CAMK4: variants seen among roughly 807,000 people sequenced by gnomAD.
CAMK4 encodes the protein calcium/calmodulin-dependent protein kinase type IV.
CAMK4 carries 22 observed loss-of-function variants against 44.9 expected under a neutral mutation model. That is an observed-to-expected ratio of 0.49 (90% confidence interval 0.35 to 0.70). The LOEUF is 0.70. Ranked by LOEUF, CAMK4 falls within the 30% of genes least tolerant of loss-of-function variation. The pLI is 0.01. For synonymous variants in CAMK4, 218 were observed against 215.4 expected (o/e 1.01, Z -0.11); for missense variants, 498 against 586.8 (o/e 0.85, Z 1.56).
At chr5:111,301,504 T>G (rs1483208812) in intron 1 of CAMK4, among the ~76,000 whole-genome samples, 1 of 152,242 alleles carries the variant, frequency 6.6e-6, no homozygotes, top group Non-Finnish European at 1.5e-5. Flanking sequence ...AGAATGTCTC[T>G]AATGAATCCT....
intron 1 of CAMK4, among the ~76,000 whole-genome samples, chr5:111,296,705 CAAA>C (rs987657602): frequency 6.6e-6 from 1 of 152,086 alleles, no homozygotes; most frequent in African/African-American, 2.4e-5. Flanking sequence ...GGAGTTTAAA[CAAA>C]AACAGAACAC....
In CAMK4 at chr5:111,397,679, GTGTGTGTGTGTGTT is replaced by G. The variant is rs1369564896; in HGVS notation, c.459+2900_459+2913del. On this transcript the variant is annotated intron_variant, in intron 5 of 10. Coordinates refer to ENST00000282356, the MANE Select transcript of CAMK4 (RefSeq NM_001744.6). The stretch of plus-strand genomic sequence containing the variant: ...TGTGTGTGTGTGTGTGTGTGTGTGT[GTGTGTGTGTGTGTT>G]TGCAGTTTACCCACCTGGATTCATG... Among the ~76,000 whole-genome samples, 1,325 of 134,952 alleles carry G rather than the reference GTGTGTGTGTGTGTT, an allele frequency of 9.8e-3. 22 individuals carry two copies. Among genetic ancestry groups the G allele is most frequent in the African/African-American group, 0.036 (1,239 of 34,122 alleles). The allele number at this position is 134,952 out of a possible 152,430, so 88.5% of individuals were successfully genotyped here. A position where few individuals can be genotyped will look rare whatever the true frequency, so the allele number is the denominator to read the frequency against.
chr5:111,484,407 G>A lies in CAMK4; in HGVS notation c.1363G>A (p.Gly455Arg), dbSNP rs1427787062. Residue 455 changes from glycine to arginine, a missense_variant, in exon 11 of 11, where the codon GGA (glycine) becomes AGA (arginine). Physicochemically the swap from Gly to Arg is moderately radical, Grantham distance 125. Coordinates refer to ENST00000282356, the MANE Select transcript of CAMK4 (RefSeq NM_001744.6). The surrounding 1 kb of genome is among the most constrained non-coding windows in gnomAD (Gnocchi z 5.3). ...EEAAAPREGQ[G>R]SSAVGFEVPQ... ...GGCAGCAGCTCCCAGAGAAGGGCAA[G>A]GAAGCTCTGCTGTGGGTTTTGAAGT... 4 of 1,567,482 alleles carry A rather than the reference G, an allele frequency of 2.6e-6. No homozygotes were observed. Among genetic ancestry groups the A allele is most frequent in the Non-Finnish European group, 2.6e-6 (3 of 1,158,304 alleles).
intron 1 of CAMK4, among the ~76,000 whole-genome samples, chr5:111,250,572 AC>A (rs779901534): frequency 2.0e-5 from 3 of 152,092 alleles, no homozygotes; most frequent in Non-Finnish European, 1.5e-5. Context: ...TTCCCAGTAT[AC>A]TGTTTCTCCT....
chr5:111,267,838 A>G (rs574196481), intron 1 of CAMK4, among the ~76,000 whole-genome samples: 1 of 140,164 alleles, frequency 7.1e-6, no homozygotes, highest in Non-Finnish European at 1.5e-5. Flanking sequence ...CTTTTGATTC[A>G]GTAAATATTA....
chr5:111,287,837 T>C (rs1335841709), intron 1 of CAMK4, among the ~76,000 whole-genome samples: 1 of 152,146 alleles, frequency 6.6e-6, no homozygotes, highest in African/African-American at 2.4e-5. Flanking sequence ...GTATAAAATA[T>C]AGATATGCTC....
intron 3 of CAMK4, among the ~76,000 whole-genome samples, chr5:111,376,029 T>C (rs1043069104): frequency 6.6e-6 from 1 of 152,086 alleles, no homozygotes; most frequent in Non-Finnish European, 1.5e-5. Flanking sequence ...GTGAAATTAG[T>C]GGCTAAGACC....
At position 111,358,188 on chromosome 5, in the gene CAMK4, G is replaced by C. The variant is rs188374218; in HGVS notation, c.240+14086G>C. The C allele has an allele frequency of 3.3e-5, 5 of 152,208 alleles. No individual in the cohort carries two copies. In the East Asian group the frequency reaches 9.7e-4, roughly 29 times the overall value. 9.4% of individuals were successfully genotyped at this position (152,208 alleles called of 1,614,324 possible). ...TGTGTGCAGAGAATGCAAGCAACAT[G>C]TTATCTTTGCCAAATTCTGTTAAAA... On this transcript the variant is annotated intron_variant, in intron 2 of 10. Coordinates refer to ENST00000282356, the MANE Select transcript of CAMK4 (RefSeq NM_001744.6).
chr5:111,276,718 G>A (rs1750774404), intron 1 of CAMK4, among the ~76,000 whole-genome samples: 1 of 151,876 alleles, frequency 6.6e-6, no homozygotes, highest in Admixed American at 6.6e-5. Flanking sequence ...GTGGGATAGG[G>A]GTGCTTCTAT....
At chr5:111,252,150 C>G (rs1162744378) in intron 1 of CAMK4, among the ~76,000 whole-genome samples, 1 of 152,108 alleles carries the variant, frequency 6.6e-6, no homozygotes, top group Non-Finnish European at 1.5e-5. Context: ...GGGAATTACC[C>G]CTAAGTCTGT....
In CAMK4 at chr5:111,331,975, C is replaced by T. The variant is rs1001248662; in HGVS notation, c.162-12049C>T. Among the ~76,000 whole-genome samples, 3 of 151,624 alleles carry T rather than the reference C, an allele frequency of 2.0e-5. No homozygotes were observed. The East Asian group carries it at 5.8e-4, about 30-fold the overall frequency. On this transcript the variant is annotated intron_variant, in intron 1 of 10. Transcript: ENST00000282356. The stretch of plus-strand genomic sequence containing the variant: ...CCTAGCACAGTGCCTAATAAATTTT[C>T]ACTTGATGAAATCTAACTCCGTTTT...
intron 1 of CAMK4, among the ~76,000 whole-genome samples, chr5:111,250,707 A>G (rs1749447594): frequency 6.6e-6 from 1 of 151,892 alleles, no homozygotes; most frequent in African/African-American, 2.4e-5. Context: ...TCAGTTTTCC[A>G]TTCTCCATCA....
chr5:111,262,218 A>G (rs1750015047), intron 1 of CAMK4, among the ~76,000 whole-genome samples: 2 of 151,634 alleles, frequency 1.3e-5, no homozygotes. Flanking sequence ...AAATTGCAAT[A>G]GAGGAGAAGG....
At chr5:111,258,423 T>G (rs974481699) in intron 1 of CAMK4, among the ~76,000 whole-genome samples, 1 of 152,162 alleles carries the variant, frequency 6.6e-6, no homozygotes, top group African/African-American at 2.4e-5. Context: ...GAAGTTTAAT[T>G]GGATTTACAG....
intron 7 of CAMK4, among the ~76,000 whole-genome samples, chr5:111,455,875 C>T (rs991566359): frequency 1.3e-5 from 2 of 152,134 alleles, no homozygotes; most frequent in African/African-American, 4.8e-5. Context: ...TCAGTCTCCT[C>T]AACTATACAA....
chr5:111,313,240 C>T (rs1244725443), intron 1 of CAMK4, among the ~76,000 whole-genome samples: 1 of 152,058 alleles, frequency 6.6e-6, no homozygotes, highest in Non-Finnish European at 1.5e-5. Flanking sequence ...CTCTGTCTCA[C>T]CCCCAGTTAT....
chr5:111,263,092 A>G (rs968610523), intron 1 of CAMK4, among the ~76,000 whole-genome samples: 1 of 152,262 alleles, frequency 6.6e-6, no homozygotes, highest in African/African-American at 2.4e-5. Context: ...TAAGACAGCG[A>G]AAAGAGATCA....
intron 5 of CAMK4, among the ~76,000 whole-genome samples, chr5:111,401,682 G>A (rs1299749173): frequency 6.6e-6 from 1 of 152,108 alleles, no homozygotes; most frequent in Admixed American, 6.6e-5. Flanking sequence ...ATAATGAATT[G>A]GTGACTAGAT....
rs201000012 is a variant in CAMK4, at chr5:111,424,531, G to A, written c.460-22155G>A. Among the ~76,000 whole-genome samples, 39 of 124,126 alleles carry A rather than the reference G, an allele frequency of 3.1e-4. 1 individual carries two copies. Among genetic ancestry groups the A allele is most frequent in the African/African-American group, 1.1e-3 (35 of 32,444 alleles). The allele number at this position is 124,126 out of a possible 152,430, so 81.4% of individuals were successfully genotyped here. ...GTGATCTCGGCTCACTGCAAGCTCC[G>A]CCTCCTGAGTTCACGCCATTCTCCT... On this transcript the variant is annotated intron_variant, in intron 5 of 10. Coordinates refer to ENST00000282356, the MANE Select transcript of CAMK4 (RefSeq NM_001744.6).
Sources: gnomAD v4.1 joint callset for allele counts (sites outside exome capture counted in the v4.1 genomes callset) on GRCh38, gnomAD v4.1.1 for gene constraint, Gnocchi (gnomAD v3.1) non-coding constraint, MANE v1.5 for transcripts, NCBI Gene and HGNC (gene_info 2026-07-23, HGNC 2026-07-21) for gene names.